RERE: variants seen among roughly 807,000 people sequenced by gnomAD.
RERE encodes the protein arginine-glutamic acid dipeptide repeats.
Under a neutral mutation model 146.1 loss-of-function variants are expected in RERE, and 40 were observed. The observed-to-expected ratio is 0.27, with a 90% confidence interval of 0.21 to 0.36. The LOEUF is 0.36. Among genes scored for constraint, RERE ranks in the 10% least tolerant of loss-of-function variants. The probability of loss-of-function intolerance (pLI) is 1.00; values close to 1 mark genes in which losing one functional copy is unlikely to be tolerated. For missense variants in RERE, 1,933 were observed against 2,138.7 expected (o/e 0.90, Z 1.90); for synonymous variants, 1,003 against 866.0 (o/e 1.16, Z -2.78).
intron 6 of RERE, among the ~76,000 whole-genome samples, chr1:8,551,255 G>T (rs764648122): frequency 6.6e-6 from 1 of 152,198 alleles, no homozygotes; most frequent in Non-Finnish European, 1.5e-5. Context: ...ATGCACTGAT[G>T]CGAGTACACA....
chr1:8,672,342 T>C (rs1638737908), intron 1 of RERE, among the ~76,000 whole-genome samples: 1 of 151,996 alleles, frequency 6.6e-6, no homozygotes, highest in African/African-American at 2.4e-5. Context: ...CCTGGCTAAG[T>C]TTCCTTAATT....
intron 8 of RERE, among the ~76,000 whole-genome samples, chr1:8,502,342 G>T (rs1234191975): frequency 6.7e-5 from 8 of 118,646 alleles, no homozygotes; most frequent in African/African-American, 1.0e-4. Flanking sequence ...GTGGTGGGGG[G>T]GTCAGCCCCC....
At chr1:8,617,171 C>T (rs554824025) in intron 3 of RERE, among the ~76,000 whole-genome samples, 9 of 151,874 alleles carry the variant, frequency 5.9e-5, no homozygotes, top group South Asian at 2.1e-4. Flanking sequence ...AGTGAAACCC[C>T]GTCTCTACTA....
chr1:8,556,689 T>C, intron 5 of RERE, 118 bp from the exon 6 acceptor site: 1 of 646,542 alleles, frequency 1.5e-6, no homozygotes, highest in Non-Finnish European at 2.8e-6. Context: ...CTGGTTAGCA[T>C]CGTTAAGTAT....
intron 12 of RERE, among the ~76,000 whole-genome samples, chr1:8,366,301 G>A (rs1570055922): frequency 6.6e-6 from 1 of 152,244 alleles, no homozygotes; most frequent in Non-Finnish European, 1.5e-5. Flanking sequence ...CACAATGGAC[G>A]AAAAGGAGAG....
chr1:8,352,593 C>T lies in RERE; in HGVS notation c.*2494G>A, dbSNP rs1014358581. The stretch of plus-strand genomic sequence containing the variant: ...GAAACGTAGCAAATCCGAGTGTGCA[C>T]GCTGCCTCTGCCGCAGTGGAGTGAA... On this transcript the variant is annotated 3_prime_UTR_variant, in exon 23 of 23. Coordinates refer to ENST00000400908, the MANE Select transcript of RERE (RefSeq NM_001042681.2). 2.0e-5 allele frequency: 3 copies of T among 152,340 alleles called. No individual in the cohort carries two copies. Among genetic ancestry groups the T allele is most frequent in the East Asian group, 1.9e-4 (1 of 5,192 alleles). The allele number at this position is 152,340 out of a possible 1,614,324, so 9.4% of individuals were successfully genotyped here. A position where few individuals can be genotyped will look rare whatever the true frequency, so the allele number is the denominator to read the frequency against.
intron 4 of RERE, among the ~76,000 whole-genome samples, chr1:8,565,396 T>C (rs569099983): frequency 4.6e-5 from 7 of 152,182 alleles, no homozygotes; most frequent in Non-Finnish European, 7.3e-5. Context: ...TTCAAGCCTC[T>C]ACCCTATTTA....
At chr1:8,527,946 C>T (rs1007728605) in intron 7 of RERE, among the ~76,000 whole-genome samples, 6 of 152,196 alleles carry the variant, frequency 3.9e-5, no homozygotes, top group Admixed American at 6.5e-5. Context: ...CAGGAGCCCC[C>T]GGAATCCTCT....
intron 7 of RERE, among the ~76,000 whole-genome samples, chr1:8,533,301 G>GA (rs1472412941): frequency 6.6e-6 from 1 of 152,160 alleles, no homozygotes; most frequent in Non-Finnish European, 1.5e-5. Flanking sequence ...AGAGAGAAAT[G>GA]AAAGTGATAT....
intron 12 of RERE, among the ~76,000 whole-genome samples, chr1:8,409,699 T>C (rs1221459004): frequency 2.6e-5 from 4 of 152,346 alleles, no homozygotes; most frequent in South Asian, 2.1e-4. Context: ...TGCTAAATGG[T>C]TGCTATCTTA....
chr1:8,452,086 G>C (rs1028402281), intron 11 of RERE, among the ~76,000 whole-genome samples: 1 of 152,046 alleles, frequency 6.6e-6, no homozygotes, highest in Non-Finnish European at 1.5e-5. Flanking sequence ...TTTAGCCCTT[G>C]TTCTCCAATT....
At chr1:8,764,384 C>G (rs973122506) in intron 1 of RERE, among the ~76,000 whole-genome samples, 2 of 152,122 alleles carry the variant, frequency 1.3e-5, no homozygotes, top group African/African-American at 4.8e-5. Context: ...GCTTCGGGTA[C>G]TAACTCCAAG....
rs1641337070 is a variant in RERE at position 8,790,125 on chromosome 1, G to T, written c.-145+27035C>A. ...TTGGCTAGCTGACAGATCCTGGATG[G>T]AAAGATGAGCCAGAGAGCATTCAGT... is the stretch of plus-strand genomic sequence containing the variant. On this transcript the variant is annotated intron_variant, in intron 1 of 22. Coordinates refer to ENST00000400908, the MANE Select transcript of RERE (RefSeq NM_001042681.2). 2.0e-5 allele frequency among the ~76,000 whole-genome samples: 3 copies of T among 152,258 alleles called. No individual in the cohort carries two copies. The South Asian group carries it at 6.2e-4, about 32-fold the overall frequency.
intron 1 of RERE, among the ~76,000 whole-genome samples, chr1:8,787,332 G>C (rs1641276245): frequency 6.6e-6 from 1 of 152,032 alleles, no homozygotes; most frequent in South Asian, 2.1e-4. Context: ...TACTTAAAAT[G>C]GTACCATCCG....
chr1:8,502,950 C>T (rs1262560834), intron 8 of RERE, among the ~76,000 whole-genome samples: 1 of 151,002 alleles, frequency 6.6e-6, no homozygotes, highest in Non-Finnish European at 1.5e-5. Context: ...ACAAACACTT[C>T]GGAAGGCCGC....
At chr1:8,799,300 C>T (rs1641541473) in intron 1 of RERE, 1 of 152,300 alleles carries the variant, frequency 6.6e-6, no homozygotes, top group African/African-American at 2.4e-5. Context: ...CGCCAAAGAT[C>T]AAGTCTTTTG....
chr1:8,695,265 A>G (rs895621136), intron 1 of RERE, among the ~76,000 whole-genome samples: 17 of 152,124 alleles, frequency 1.1e-4, no homozygotes, highest in African/African-American at 3.9e-4. Context: ...ACATCAACTC[A>G]AGGTGGATTA....
At chr1:8,466,524 C>T (rs1644599458) in intron 10 of RERE, among the ~76,000 whole-genome samples, 1 of 152,064 alleles carries the variant, frequency 6.6e-6, no homozygotes, top group Admixed American at 6.6e-5. Flanking sequence ...CCAGGAGGAC[C>T]CCTACTCTTG....
intron 11 of RERE, among the ~76,000 whole-genome samples, chr1:8,427,835 G>A (rs1245813791): frequency 6.6e-6 from 1 of 152,136 alleles, no homozygotes; most frequent in African/African-American, 2.4e-5. Flanking sequence ...GTCAATGATT[G>A]GAAGGGGTCA....
Sources: gnomAD v4.1 joint callset for allele counts (sites outside exome capture counted in the v4.1 genomes callset) on GRCh38, gnomAD v4.1.1 for gene constraint, MANE v1.5 for transcripts, NCBI Gene and HGNC (gene_info 2026-07-23, HGNC 2026-07-21) for gene names.